The following USH2A variants were observed in gnomAD, a reference collection of about 807,000 sequenced individuals.
USH2A encodes the protein usherin, also known as Usher syndrome 2A (autosomal recessive, mild).
Under a neutral mutation model 538.9 loss-of-function variants are expected in USH2A, and 443 were observed. The observed-to-expected ratio is 0.82, with a 90% CI of 0.76 to 0.89. USH2A has a LOEUF of 0.89. USH2A is among the 40% of genes least tolerant of loss of function. The probability of loss-of-function intolerance (pLI) is 0.00; values close to 1 mark genes in which losing one functional copy is unlikely to be tolerated. For synonymous variants in USH2A, 2,413 were observed against 2,273.5 expected, an observed-to-expected ratio of 1.06 and a Z score of -1.75; for missense variants, 6,633 against 6,324.8, an observed-to-expected ratio of 1.05 and a Z score of -1.65.
chr1:215,885,120 C>G (rs564102178), intron 41 of USH2A, among the ~76,000 whole-genome samples: 36 of 151,750 alleles, frequency 2.4e-4, no homozygotes, highest in Admixed American at 1.1e-3. Context: ...GCAGTTTATA[C>G]ATTGACTTTA....
In USH2A at chr1:215,675,559, GA is replaced by G. The variant is rs1269294331; in HGVS notation, c.12351del (p.Leu4118SerfsTer13). On this transcript the variant is annotated frameshift_variant, in exon 63 of 72. Transcript: ENST00000307340. LOFTEE classifies it high-confidence loss of function. Reference protein sequence around the residue: ...FLEYSGLNRQFLFRRLDPFTL... With the variant: ...FLEYSGLNRQXLFRRLDPFTL... ...GTGAAAGGATCCAGGCGGCGGAAGA[GA>G]AACTGACGATTCAAACCAGAGTACT... The G allele has an allele frequency of 6.2e-7, 1 of 1,614,104 alleles. No homozygotes were observed. The highest frequency in any genetic ancestry group is 2.2e-5 in the East Asian group (1 of 44,872).
intron 38 of USH2A, among the ~76,000 whole-genome samples, chr1:215,926,234 T>A (rs1035389151): frequency 1.7e-4 from 21 of 122,134 alleles, no homozygotes; most frequent in African/African-American, 2.8e-4. Context: ...AAAAAAAAAA[T>A]ACCATTCTCC....
At chr1:216,222,847 G>A (rs1325384706) in intron 14 of USH2A, among the ~76,000 whole-genome samples, 1 of 152,032 alleles carries the variant, frequency 6.6e-6, no homozygotes, top group Non-Finnish European at 1.5e-5. Flanking sequence ...GGGTGGTGCT[G>A]CATGCTTGTA....
chr1:216,237,494 T>TAAAAAAAAAAAAAAAAAA (rs59074625), intron 13 of USH2A, among the ~76,000 whole-genome samples: 1 of 114,300 alleles, frequency 8.7e-6, no homozygotes, highest in South Asian at 2.7e-4. Flanking sequence ...GACTCCGTCT[T>TAAAAAAAAAAAAAAAAAA]AAAAAAAAAA....
chr1:215,773,492 G>GTCTCTCTCTC (rs930672000), intron 55 of USH2A, among the ~76,000 whole-genome samples: 1 of 84,438 alleles, frequency 1.2e-5, no homozygotes, highest in South Asian at 3.3e-4. Flanking sequence ...CTGTCTCTCT[G>GTCTCTCTCTC]TCTCTCTCTC....
intron 13 of USH2A, among the ~76,000 whole-genome samples, chr1:216,240,193 A>C (rs2035911117): frequency 6.6e-6 from 1 of 152,158 alleles, no homozygotes; most frequent in Non-Finnish European, 1.5e-5. Context: ...AGTCAGATAT[A>C]AGGTGTGCTA....
chr1:216,233,054 G>C (rs951519894), intron 13 of USH2A, among the ~76,000 whole-genome samples: 3 of 152,134 alleles, frequency 2.0e-5, no homozygotes, highest in African/African-American at 7.2e-5. Context: ...CTTCGTAGCA[G>C]TCTTTTTCCA....
At chr1:216,175,892 G>A (rs2034371018) in intron 20 of USH2A, among the ~76,000 whole-genome samples, 1 of 152,040 alleles carries the variant, frequency 6.6e-6, no homozygotes, top group African/African-American at 2.4e-5. Flanking sequence ...GCCCCCTTCT[G>A]CGTAGAACTT....
At chr1:215,951,908 ACT>A (rs1666927913) in intron 37 of USH2A, among the ~76,000 whole-genome samples, 1 of 150,890 alleles carries the variant, frequency 6.6e-6, no homozygotes, top group Non-Finnish European at 1.5e-5. Flanking sequence ...CCCAGGCTGG[ACT>A]GCGGACTGCA....
rs555589584 is a variant in USH2A at position 216,287,746 on chromosome 1, C to T, written c.1971+1534G>A. ...GTAACTGAGATTCTGGGAGGTAAAA[C>T]TATAGTTTACAGTCTTCCTATACTA... On this transcript the variant is annotated intron_variant, in intron 11 of 71. Transcript: ENST00000307340. 2.0e-4 allele frequency among the ~76,000 whole-genome samples: 31 copies of T among 152,208 alleles called. 2 individuals are homozygous for T. In the South Asian group the frequency reaches 6.2e-3, roughly 31 times the overall value.
chr1:216,210,801 T>C (rs796492204), intron 15 of USH2A, among the ~76,000 whole-genome samples: 12 of 151,980 alleles, frequency 7.9e-5, no homozygotes, highest in African/African-American at 1.7e-4. Flanking sequence ...GCCAACATGG[T>C]GAAACCCCGT....
chr1:215,805,573 T>C (rs1233717749), intron 49 of USH2A, among the ~76,000 whole-genome samples: 1 of 152,050 alleles, frequency 6.6e-6, no homozygotes, highest in Non-Finnish European at 1.5e-5. Context: ...AAAAAATGGT[T>C]AAAATGATAA....
chr1:215,953,357 C>T (rs1666977333), intron 37 of USH2A, among the ~76,000 whole-genome samples: 1 of 152,152 alleles, frequency 6.6e-6, no homozygotes. Context: ...GGTACTGGTA[C>T]CAAAACAGAC....
intron 60 of USH2A, among the ~76,000 whole-genome samples, chr1:215,740,587 T>A (rs1224390708): frequency 6.6e-6 from 1 of 152,124 alleles, no homozygotes; most frequent in East Asian, 1.9e-4. Context: ...AAAAGCACCA[T>A]CTTTGGAGGA....
At chr1:216,201,343 T>G (rs2034994996) in intron 16 of USH2A, among the ~76,000 whole-genome samples, 1 of 150,228 alleles carries the variant, frequency 6.7e-6, no homozygotes, top group Admixed American at 6.7e-5. Context: ...GGGTCTGACT[T>G]TGTCACCCAG....
rs1553318087 is a variant in USH2A, at chr1:216,231,237, T to TATATATATATATATTATATATATA, written c.2993+715_2993+716insTATATATATAATATATATATATAT. 0.011 allele frequency among the ~76,000 whole-genome samples: 434 copies of TATATATATATATATTATATATATA among 39,876 alleles called. 9 individuals are homozygous for TATATATATATATATTATATATATA. Among genetic ancestry groups the TATATATATATATATTATATATATA allele is most frequent in the East Asian group, 0.044 (19 of 428 alleles). 26.2% of individuals were successfully genotyped at this position (39,876 alleles called of 152,430 possible). On this transcript the variant is annotated intron_variant, in intron 14 of 71. Transcript: ENST00000307340. ...ACAAAGCACATACATATATCCCATA[T>TATATATATATATATTATATATATA]ATATATATATATTATATATATAATA... is the stretch of plus-strand genomic sequence containing the variant.
At chr1:215,950,630 C>T (rs1319368692) in intron 37 of USH2A, among the ~76,000 whole-genome samples, 5 of 151,498 alleles carry the variant, frequency 3.3e-5, no homozygotes, top group East Asian at 2.0e-4. Flanking sequence ...CTCAGCCTCT[C>T]GAGTAGCTGG....
chr1:215,956,587 A>G (rs1464561989), intron 37 of USH2A, among the ~76,000 whole-genome samples: 1 of 152,092 alleles, frequency 6.6e-6, no homozygotes, highest in Non-Finnish European at 1.5e-5. Context: ...CCATGAGGAC[A>G]ATGAAATCCT....
At chr1:216,386,401 G>GC (rs2039005882) in intron 3 of USH2A, among the ~76,000 whole-genome samples, 1 of 151,294 alleles carries the variant, frequency 6.6e-6, no homozygotes, top group Non-Finnish European at 1.5e-5. Context: ...GGAGGCTGAG[G>GC]CATGAACCCG....
Sources: allele counts gnomAD v4.1 joint callset (sites outside exome capture counted in the v4.1 genomes callset), GRCh38; gene constraint gnomAD v4.1.1; transcripts MANE v1.5; gene names NCBI Gene and HGNC (gene_info 2026-07-23, HGNC 2026-07-21).